PCNT: variants seen among roughly 807,000 people sequenced by gnomAD.
PCNT encodes the protein kendrin.
PCNT carries 319 observed loss-of-function variants against 380.4 expected under a neutral mutation model. That is an observed-to-expected ratio of 0.84 (90% CI 0.77 to 0.92). The LOEUF is 0.92. PCNT is among the 40% of genes least tolerant of loss of function. The pLI is 0.00. For synonymous variants in PCNT, 1,845 were observed against 1,735.2 expected (o/e 1.06, Z -1.57); for missense variants, 4,400 against 4,255.3 (o/e 1.03, Z -0.95).
At chr21:46,376,391 T>G (rs1163460999) in intron 15 of PCNT, among the ~76,000 whole-genome samples, 1 of 152,222 alleles carries the variant, frequency 6.6e-6, no homozygotes, top group Non-Finnish European at 1.5e-5. Flanking sequence ...TGCCACATCC[T>G]TTGCTGGGCA....
intron 17 of PCNT, among the ~76,000 whole-genome samples, chr21:46,387,012 G>T (rs1273521230): frequency 6.6e-6 from 1 of 152,110 alleles, no homozygotes; most frequent in African/African-American, 2.4e-5. Context: ...CCCGCCCCAG[G>T]CCTCTGAGTC....
At chr21:46,434,149 G>A (rs2087873252) in intron 38 of PCNT, among the ~76,000 whole-genome samples, 2 of 152,308 alleles carry the variant, frequency 1.3e-5, no homozygotes, top group South Asian at 4.1e-4. Flanking sequence ...TGTAGCCATG[G>A]AAGCCTCCCA....
At chr21:46,373,813 T>TCC (rs1477554756) in intron 15 of PCNT, among the ~76,000 whole-genome samples, 1 of 131,226 alleles carries the variant, frequency 7.6e-6, no homozygotes, top group Non-Finnish European at 1.5e-5. Context: ...CACTGCAACC[T>TCC]CCGCCCCCCG....
intron 3 of PCNT, 143 bp downstream of exon 3, chr21:46,334,911 C>A: frequency 7.4e-7 from 1 of 1,347,982 alleles, no homozygotes. Context: ...GAGCTGGAGG[C>A]AGAGGCTCAC....
chr21:46,436,013 T>TA lies in PCNT; in HGVS notation c.8862dup (p.Gly2955ArgfsTer48). 1 of 1,614,086 alleles carries TA rather than the reference T, an allele frequency of 6.2e-7. No homozygotes were observed. The stretch of plus-strand genomic sequence containing the variant: ...GAGGTGCCTGGCAGCCGCCTCCACC[T>TA]AGGTTCTGCCCGCAGGGCTGCCGGC... On this transcript the variant is annotated frameshift_variant, in exon 39 of 47. Transcript: ENST00000359568. LOFTEE classifies it high-confidence loss of function.
chr21:46,433,026 G>T (rs1337278921), intron 38 of PCNT, among the ~76,000 whole-genome samples: 11 of 152,066 alleles, frequency 7.2e-5, no homozygotes, highest in African/African-American at 2.7e-4. Context: ...TTTTGAGATG[G>T]AGTCTCATTC....
chr21:46,332,608 A>C (rs1451787202), intron 2 of PCNT, among the ~76,000 whole-genome samples: 2 of 152,136 alleles, frequency 1.3e-5, no homozygotes, highest in Non-Finnish European at 2.9e-5. Flanking sequence ...CTTCCTCTTG[A>C]TTCTGAGAAG....
At position 46,385,983 on chromosome 21, in the gene PCNT, G is replaced by A. The variant is rs886057181; in HGVS notation, c.3464G>A (p.Arg1155Lys). 1 of 1,613,946 alleles carries A rather than the reference G, an allele frequency of 6.2e-7. No homozygotes were observed. The highest frequency in any genetic ancestry group is 8.5e-7 in the Non-Finnish European group (1 of 1,180,016). The change falls in exon 17 of 47, where the codon AGA (arginine) becomes AAA (lysine). Residue 1155 changes from arginine (R) to lysine (K), a missense_variant and splice_region_variant. Coordinates refer to ENST00000359568, the MANE Select transcript of PCNT (RefSeq NM_006031.6). ...GACGTCAACCTGTCCCACAGCGAAA[G>A]GTCAGTGTGTCCTCGGCACCGAGGC... ...KADVNLSHSE[R>K]GALQDALRRL...
chr21:46,359,820 G>A (rs1433918705), intron 13 of PCNT, among the ~76,000 whole-genome samples: 5 of 150,980 alleles, frequency 3.3e-5, no homozygotes, highest in South Asian at 4.2e-4. Context: ...TCCAACCTTC[G>A]TGTGCATTTT....
Position 46,366,895 on chromosome 21 carries a change from G to A in PCNT, c.2921G>A (p.Cys974Tyr), listed in dbSNP as rs755965058. The part of the protein sequence containing the change: ...HLSSLDSLES[C>Y]YLSEFQTIRE... ...TCCAGCCTTGATTCTTTGGAATCCT[G>A]TTACCTCTCTGAATTTCAGACCATC... Residue 974 changes from cysteine to tyrosine, a missense_variant, in exon 15 of 47, where the codon TGT (cysteine) becomes TAT (tyrosine). Cys to Tyr is a radical substitution (Grantham distance 194). Coordinates refer to ENST00000359568, the MANE Select transcript of PCNT (RefSeq NM_006031.6). 6.2e-7 allele frequency: 1 copy of A among 1,614,190 alleles called. No homozygotes were observed. Among genetic ancestry groups the A allele is most frequent in the South Asian group, 1.1e-5 (1 of 91,086 alleles).
intron 3 of PCNT, among the ~76,000 whole-genome samples, chr21:46,344,128 G>A (rs756104823): frequency 1.3e-5 from 2 of 150,818 alleles, no homozygotes; most frequent in South Asian, 2.1e-4. Context: ...GCAGTGGCGC[G>A]ATCTCTGTTC....
At chr21:46,421,791 A>G (rs1336783157) in intron 31 of PCNT, among the ~76,000 whole-genome samples, 179 bp from the exon 32 acceptor site, 1 of 152,170 alleles carries the variant, frequency 6.6e-6, no homozygotes, top group African/African-American at 2.4e-5. Flanking sequence ...CTTTCTCACC[A>G]GGGTTATGTT....
chr21:46,328,208 A>G (rs987758382), intron 2 of PCNT, among the ~76,000 whole-genome samples: 2 of 149,358 alleles, frequency 1.3e-5, no homozygotes, highest in African/African-American at 4.9e-5. Flanking sequence ...CAAATCCTGA[A>G]TTTTGCTTTT....
rs1445513469 is a variant in PCNT at position 46,367,000 on chromosome 21, A to G, written c.3026A>G (p.Gln1009Arg). The G allele has an allele frequency of 1.2e-6, 2 of 1,614,198 alleles. No homozygotes were observed. The highest frequency in any genetic ancestry group is 2.7e-5 in the African/African-American group (2 of 75,056). The change falls in exon 15 of 47, where the codon CAA becomes CGA. Residue 1009 changes from glutamine (Q) to arginine (R), a missense_variant. Transcript: ENST00000359568. ...CTGTGGAAAAAGGACTCTCTTCACC[A>G]AACGATTTTGACTCAAGAGTTGGAG... Reference protein sequence around the residue: ...EQLWKKDSLHQTILTQELEKL... With the variant: ...EQLWKKDSLHRTILTQELEKL...
At chr21:46,402,579 G>T (rs2086464931) in intron 27 of PCNT, 96 bp downstream of exon 27, 1 of 1,341,728 alleles carries the variant, frequency 7.5e-7, no homozygotes, top group Non-Finnish European at 1.1e-6. Context: ...CGAGTCTCTG[G>T]TCTTCACAGA....
chr21:46,434,564 T>C (rs2087888817), intron 38 of PCNT, among the ~76,000 whole-genome samples: 1 of 152,228 alleles, frequency 6.6e-6, no homozygotes, highest in Non-Finnish European at 1.5e-5. Flanking sequence ...CGTCCTTCCT[T>C]GCCCCATCGT....
At chr21:46,360,520 CT>C (rs35679282) in intron 13 of PCNT, among the ~76,000 whole-genome samples, 5 of 122,710 alleles carry the variant, frequency 4.1e-5, no homozygotes, top group Admixed American at 1.8e-4. Context: ...ACTGCGCCGG[CT>C]TTTTTTTTTT....
chr21:46,349,573 C>T (rs2084193959), intron 7 of PCNT, 111 bp from the exon 8 acceptor site: 20 of 1,216,502 alleles, frequency 1.6e-5, no homozygotes, highest in Non-Finnish European at 2.4e-6. Flanking sequence ...CGGGGGCGCC[C>T]AGGATGGGGC....
At chr21:46,386,989 C>T (rs1389841723) in intron 17 of PCNT, among the ~76,000 whole-genome samples, 1 of 152,100 alleles carries the variant, frequency 6.6e-6, no homozygotes, top group Non-Finnish European at 1.5e-5. Flanking sequence ...GCCACTGCTC[C>T]CGTCTGTCTG....
Sources: gnomAD v4.1 joint callset for allele counts (sites outside exome capture counted in the v4.1 genomes callset) on GRCh38, gnomAD v4.1.1 for gene constraint, MANE v1.5 for transcripts, NCBI Gene and HGNC (gene_info 2026-07-23, HGNC 2026-07-21) for gene names.